The following ACVR2B variants were observed in gnomAD, a reference collection of about 807,000 sequenced individuals.
The protein encoded by ACVR2B is activin receptor type-2B.
In ACVR2B, 18 loss-of-function variants were observed where a neutral mutation model predicts 65.1. The ratio of observed to expected loss-of-function variants is 0.28; its 90% CI spans 0.19 to 0.41. The LOEUF (loss-of-function observed/expected upper bound fraction) is 0.41, where lower values mean the gene tolerates loss of function less well. ACVR2B is among the 10% of genes least tolerant of loss of function. The pLI, the probability that ACVR2B is intolerant of heterozygous loss-of-function variation, is 1.00. For missense variants in ACVR2B, 482 were observed against 682.7 expected (o/e 0.71, Z 3.28); for synonymous variants, 298 against 277.7 (o/e 1.07, Z -0.73).
intron 1 of ACVR2B, among the ~76,000 whole-genome samples, chr3:38,462,964 C>T (rs915810061): frequency 6.6e-6 from 1 of 152,122 alleles, no homozygotes; most frequent in Non-Finnish European, 1.5e-5. Flanking sequence ...TCCTTCCTAC[C>T]TCCACACCCC....
intron 1 of ACVR2B, among the ~76,000 whole-genome samples, chr3:38,460,477 G>A (rs1169459582): frequency 1.3e-5 from 2 of 152,164 alleles, no homozygotes; most frequent in African/African-American, 4.8e-5. Flanking sequence ...ATTGTTCAAG[G>A]GTCAGCCATG....
In ACVR2B at chr3:38,482,572, G is replaced by T; in HGVS notation, c.1344+12G>T. On this transcript the variant is annotated intron_variant, in intron 10 of 10. Transcript: ENST00000352511. Reference sequence around the variant, plus strand: ...GGTTGAAACACCCGGTAAGGGGCCTGGTTCAGGCAACTTTGCAGGGGGGTG... The same window carrying T: ...GGTTGAAACACCCGGTAAGGGGCCTTGTTCAGGCAACTTTGCAGGGGGGTG... 1 of 1,608,464 alleles carries T rather than the reference G, an allele frequency of 6.2e-7. No individual in the cohort carries two copies. Among genetic ancestry groups the T allele is most frequent in the Non-Finnish European group, 8.5e-7 (1 of 1,178,656 alleles).
intron 1 of ACVR2B, among the ~76,000 whole-genome samples, chr3:38,466,643 A>G (rs957925289): frequency 1.3e-5 from 2 of 151,974 alleles, no homozygotes; most frequent in Admixed American, 1.3e-4. Context: ...AGCTGGGACT[A>G]CAGGCACACG....
chr3:38,467,592 A>AAT (rs111398010), intron 1 of ACVR2B, among the ~76,000 whole-genome samples: 73,442 of 151,576 alleles, frequency 0.48, 19,872 homozygotes, highest in Non-Finnish European at 0.61. Context: ...CTCTACAAAA[A>AAT]AAAAAAAATT....
chr3:38,468,523 G>C (rs544751393), intron 1 of ACVR2B, among the ~76,000 whole-genome samples: 3 of 152,114 alleles, frequency 2.0e-5, no homozygotes, highest in African/African-American at 7.2e-5. Context: ...CATAATCTCC[G>C]CTGGGTTGGA....
At chr3:38,479,342 A>G (rs1709976216) in intron 6 of ACVR2B, 71 bp downstream of exon 6, 1 of 1,607,556 alleles carries the variant, frequency 6.2e-7, no homozygotes. Flanking sequence ...CCATAATATG[A>G]TGACCCCTTC....
At position 38,490,635 on chromosome 3, in the gene ACVR2B, C is replaced by T. The variant is rs938039958; in HGVS notation, c.*7303C>T. 6.6e-6 allele frequency: 1 copy of T among 152,444 alleles called. No individual in the cohort carries two copies. Among genetic ancestry groups the T allele is most frequent in the Non-Finnish European group, 1.5e-5 (1 of 68,008 alleles). The allele number at this position is 152,444 out of a possible 1,614,324, so 9.4% of individuals were successfully genotyped here. On this transcript the variant is annotated 3_prime_UTR_variant, in exon 11 of 11. Transcript: ENST00000352511. ...CCAACCTCTACCTTTTTCCTTTTTC[C>T]CAGCCCTAATTTCTGGATGCACTTC...
rs184942861 is a variant in ACVR2B at position 38,458,264 on chromosome 3, C to G, written c.52+3890C>G. 5.9e-5 allele frequency among the ~76,000 whole-genome samples: 9 copies of G among 152,310 alleles called. No homozygotes were observed. In the East Asian group the frequency reaches 1.5e-3, roughly 26 times the overall value. On this transcript the variant is annotated intron_variant, in intron 1 of 10. Coordinates refer to ENST00000352511, the MANE Select transcript of ACVR2B (RefSeq NM_001106.4). Reference sequence around the variant, plus strand: ...AAGGAGCCAATGAAGAGCCCACATTCTATACAGTGGTCCTCCATGTCATAG... The same window carrying G: ...AAGGAGCCAATGAAGAGCCCACATTGTATACAGTGGTCCTCCATGTCATAG...
chr3:38,479,552 C>T lies in ACVR2B; in HGVS notation c.811-126C>T, dbSNP rs906469888. 12 of 1,212,972 alleles carry T rather than the reference C, an allele frequency of 9.9e-6. No individual in the cohort carries two copies. In the African/African-American group the frequency reaches 1.0e-4, roughly 10 times the overall value. 75.1% of individuals were successfully genotyped at this position (1,212,972 alleles called of 1,614,324 possible). On this transcript the variant is annotated intron_variant, in intron 6 of 10. Coordinates refer to ENST00000352511, the MANE Select transcript of ACVR2B (RefSeq NM_001106.4). ...TCCTGGCCTCATCCATCTTCCATAT[C>T]GATTGTAGTAGCCTTCCAGGAGAGC...
Position 38,481,307 on chromosome 3 carries a change from G to A in ACVR2B, c.960-44G>A, listed in dbSNP as rs891809042. On this transcript the variant is annotated intron_variant, in intron 7 of 10. Coordinates refer to ENST00000352511, the MANE Select transcript of ACVR2B (RefSeq NM_001106.4). This position sits in a 1 kb window ranked among gnomAD's most constrained non-coding sequence, Gnocchi z 4.7. ...TATCTTGGGAACCAAGGTGGGAGTT[G>A]GATCATGATGTTAAGCTTTATCTCT... 1 of 1,519,006 alleles carries A rather than the reference G, an allele frequency of 6.6e-7. No individual in the cohort carries two copies. Among genetic ancestry groups the A allele is most frequent in the South Asian group, 1.1e-5 (1 of 89,026 alleles). 94.1% of individuals were successfully genotyped at this position (1,519,006 alleles called of 1,614,324 possible).
rs1029605839 is a variant in ACVR2B, at chr3:38,464,127, A to G, written c.52+9753A>G. Among the ~76,000 whole-genome samples, 6 of 152,374 alleles carry G rather than the reference A, an allele frequency of 3.9e-5. No individual in the cohort carries two copies. The East Asian group carries it at 5.8e-4, about 15-fold the overall frequency. On this transcript the variant is annotated intron_variant, in intron 1 of 10. Coordinates refer to ENST00000352511, the MANE Select transcript of ACVR2B (RefSeq NM_001106.4). ...ACATTGGAGGTTAGGGCCTCAACCTATGAATTTTGGTGGGACTCAGTTCAG... is the reference window on the plus strand; with the variant it reads ...ACATTGGAGGTTAGGGCCTCAACCTGTGAATTTTGGTGGGACTCAGTTCAG...
At chr3:38,461,410 A>G (rs1709644617) in intron 1 of ACVR2B, among the ~76,000 whole-genome samples, 1 of 152,208 alleles carries the variant, frequency 6.6e-6, no homozygotes, top group Non-Finnish European at 1.5e-5. Context: ...GTGAGGGCAT[A>G]GTGAATCAAG....
At chr3:38,469,783 G>C (rs1709790272) in intron 1 of ACVR2B, among the ~76,000 whole-genome samples, 2 of 152,110 alleles carry the variant, frequency 1.3e-5, no homozygotes, top group African/African-American at 4.8e-5. Flanking sequence ...AACCACATGA[G>C]GAAACAGTAC....
intron 6 of ACVR2B, 65 bp downstream of exon 6, chr3:38,479,336 A>G (rs754829682): frequency 6.2e-5 from 99 of 1,609,590 alleles, no homozygotes; most frequent in Admixed American, 3.8e-4. Context: ...GGCTCTCCAT[A>G]ATATGATGAC....
At chr3:38,465,180 C>T (rs572476174) in intron 1 of ACVR2B, among the ~76,000 whole-genome samples, 4 of 151,868 alleles carry the variant, frequency 2.6e-5, no homozygotes, top group African/African-American at 9.7e-5. Context: ...GGGTGGATCA[C>T]GAGGACAGGA....
rs374138891 is a variant in ACVR2B, at chr3:38,477,398, A to C, written c.164A>C (p.Lys55Thr). ...GLERCEGEQD[K>T]RLHCYASWRN... ...GAGCGCTGCGAAGGCGAGCAGGACA[A>C]GCGGCTGCACTGCTACGCCTCCTGG... The change falls in exon 2 of 11, where the codon AAG becomes ACG. Residue 55 changes from lysine to threonine, a missense_variant. Physicochemically the swap from Lys to Thr is moderately conservative, Grantham distance 78. Transcript: ENST00000352511. This position sits in a 1 kb window ranked among gnomAD's most constrained non-coding sequence, Gnocchi z 6.7. 7.4e-6 allele frequency: 12 copies of C among 1,614,164 alleles called. No homozygotes were observed. Among genetic ancestry groups the C allele is most frequent in the Non-Finnish European group, 9.3e-6 (11 of 1,180,006 alleles).
intron 1 of ACVR2B, chr3:38,476,804 A>C (rs764844903): frequency 1.8e-4 from 39 of 213,898 alleles, no homozygotes; most frequent in Non-Finnish European, 3.3e-4. Context: ...GCCTGGAAAT[A>C]CGTATTTGAA....
intron 1 of ACVR2B, chr3:38,459,544 C>T (rs1008347286): frequency 2.7e-5 from 26 of 975,862 alleles, no homozygotes; most frequent in East Asian, 2.3e-4. Flanking sequence ...GTCTGCCAAG[C>T]GGAGCACTGG....
At position 38,458,622 on chromosome 3, in the gene ACVR2B, A is replaced by T. The variant is rs539172669; in HGVS notation, c.52+4248A>T. On this transcript the variant is annotated intron_variant, in intron 1 of 10. Transcript: ENST00000352511. Reference sequence around the variant, plus strand: ...TGTCCTCTTGAGTGCCAGCCTATGCATTCAGCCCCTCTGCTTGGGAGCTCA... The same window carrying T: ...TGTCCTCTTGAGTGCCAGCCTATGCTTTCAGCCCCTCTGCTTGGGAGCTCA... Among the ~76,000 whole-genome samples, 9 of 152,214 alleles carry T rather than the reference A, an allele frequency of 5.9e-5. No individual in the cohort carries two copies. The South Asian group carries it at 1.9e-3, about 32-fold the overall frequency.
Sources: gnomAD v4.1 joint callset for allele counts (sites outside exome capture counted in the v4.1 genomes callset) on GRCh38, gnomAD v4.1.1 for gene constraint, Gnocchi (gnomAD v3.1) non-coding constraint, MANE v1.5 for transcripts, NCBI Gene and HGNC (gene_info 2026-07-23, HGNC 2026-07-21) for gene names.